The following TSHZ3 variants were observed in gnomAD, a reference collection of about 807,000 sequenced individuals.
TSHZ3 encodes the protein teashirt homolog 3.
Under a neutral mutation model 64.5 loss-of-function variants are expected in TSHZ3, and 10 were observed. The observed-to-expected ratio is 0.16, with a 90% CI of 0.10 to 0.26. The LOEUF (loss-of-function observed/expected upper bound fraction) is 0.26. Ranked by LOEUF, TSHZ3 falls within the 10% of genes least tolerant of loss-of-function variation. The pLI, the probability that TSHZ3 is intolerant of heterozygous loss-of-function variation, is 1.00. For missense variants in TSHZ3, 1,242 were observed against 1,421.7 expected (o/e 0.87, Z 2.03); for synonymous variants, 608 against 593.1 (o/e 1.03, Z -0.36).
At chr19:31,235,351 C>T (rs1235438425) in intron 3 of TSHZ3, among the ~76,000 whole-genome samples, 1 of 152,130 alleles carries the variant, frequency 6.6e-6, no homozygotes, top group South Asian at 2.1e-4. Context: ...CCCCATTTCC[C>T]CCCAACCCCA....
chr19:31,272,304 G>A (rs1010528729), downstream of TSHZ3, among the ~76,000 whole-genome samples: 2 of 152,088 alleles, frequency 1.3e-5, no homozygotes, highest in Non-Finnish European at 2.9e-5. Context: ...AGAGGCTGGG[G>A]ATCAGTGAAG....
chr19:31,233,988 A>T (rs114254165), intron 3 of TSHZ3, among the ~76,000 whole-genome samples: 1 of 150,100 alleles, frequency 6.7e-6, no homozygotes. Context: ...TGTTGAATCT[A>T]TAAGTCAGTT....
chr19:31,255,087 G>T (rs569272776), intron 1 of TSHZ3, among the ~76,000 whole-genome samples: 2 of 152,292 alleles, frequency 1.3e-5, no homozygotes, highest in Admixed American at 1.3e-4. Flanking sequence ...ATCAGCTTTT[G>T]GTTCCATGCT....
At chr19:31,175,728 CTG>C (rs201644375) in intron 5 of TSHZ3, among the ~76,000 whole-genome samples, 2,565 of 152,356 alleles carry the variant, frequency 0.017, 72 homozygotes, top group African/African-American at 0.058. Flanking sequence ...GATGGAACAG[CTG>C]TGTGTCTGCT....
chr19:31,240,500 A>G (rs913520872), intron 3 of TSHZ3, among the ~76,000 whole-genome samples: 2 of 152,210 alleles, frequency 1.3e-5, no homozygotes, highest in Admixed American at 1.3e-4. Flanking sequence ...CTGTTGTTAT[A>G]TCATTCATCT....
intron 4 of TSHZ3, among the ~76,000 whole-genome samples, chr19:31,225,210 A>G (rs1430983227): frequency 6.6e-6 from 1 of 152,238 alleles, no homozygotes; most frequent in Non-Finnish European, 1.5e-5. Flanking sequence ...TCATTTGAGC[A>G]TCCCGAATGG....
chr19:31,279,415 G>C lies in TSHZ3; in HGVS notation c.378C>G (p.Leu126=). Residue 126 remains leucine (L), a synonymous_variant, in exon 2 of 2, where the codon CTC becomes CTG. Coordinates refer to ENST00000240587, the MANE Select transcript of TSHZ3 (RefSeq NM_020856.4). The surrounding 1 kb of genome is among the most constrained non-coding windows in gnomAD (Gnocchi z 6.4). Reference sequence around the variant, plus strand: ...TGAGGTTGGACCAGTAGGAGTTGGAGAGGAAGTTGTTGTACACGGCCTTCA... The same window carrying C: ...TGAGGTTGGACCAGTAGGAGTTGGACAGGAAGTTGTTGTACACGGCCTTCA... ...EQMKAVYNNF[L]SNSYWSNLNL... 6.2e-7 allele frequency: 1 copy of C among 1,614,242 alleles called. No homozygotes were observed. The highest frequency in any genetic ancestry group is 8.5e-7 in the Non-Finnish European group (1 of 1,180,048).
At chr19:31,205,220 A>G (rs947134192) in intron 4 of TSHZ3, among the ~76,000 whole-genome samples, 8 of 152,086 alleles carry the variant, frequency 5.3e-5, no homozygotes, top group Non-Finnish European at 8.8e-5. Flanking sequence ...AGTGCCTTAC[A>G]CTTGTTACCT....
intron 5 of TSHZ3, among the ~76,000 whole-genome samples, chr19:31,195,141 C>T (rs1599574743): frequency 2.0e-5 from 3 of 151,994 alleles, no homozygotes; most frequent in Admixed American, 2.0e-4. Context: ...GAATACCAGA[C>T]AGAGAAAAGA....
chr19:31,277,217 G>C lies in TSHZ3; in HGVS notation c.2576C>G (p.Thr859Arg), dbSNP rs779604719. 1.2e-6 allele frequency: 2 copies of C among 1,614,186 alleles called. No individual in the cohort carries two copies. The highest frequency in any genetic ancestry group is 1.7e-6 in the Non-Finnish European group (2 of 1,180,030). The change falls in exon 2 of 2, where the codon ACG (threonine) becomes AGG (arginine). Residue 859 changes from threonine (T) to arginine (R), a missense_variant. Transcript: ENST00000240587. This position sits in a 1 kb window ranked among gnomAD's most constrained non-coding sequence, Gnocchi z 4.5. ...GCTGGAAGGAGTGGAGGATTTTGACGTGTGGCTCTCTGTCAAGTTCTTCAG... is the reference window on the plus strand; with the variant it reads ...GCTGGAAGGAGTGGAGGATTTTGACCTGTGGCTCTCTGTCAAGTTCTTCAG... ...DMLKNLTESH[T>R]SKSSTPSSIS...
Position 31,276,466 on chromosome 19 carries a change from C to T in TSHZ3, c.*81G>A, listed in dbSNP as rs1599618537. The T allele has an allele frequency of 1.1e-5, 15 of 1,337,528 alleles. No individual in the cohort carries two copies. The South Asian group carries it at 2.0e-4, about 18-fold the overall frequency. 82.9% of individuals were successfully genotyped at this position (1,337,528 alleles called of 1,614,324 possible). ...TTAAAATAAGAACATGTGCCAAGAA[C>T]AACAAGTCAGAGGGGGCCTGAAGGT... On this transcript the variant is annotated 3_prime_UTR_variant, in exon 2 of 2. Coordinates refer to ENST00000240587, the MANE Select transcript of TSHZ3 (RefSeq NM_020856.4).
intron 1 of TSHZ3, among the ~76,000 whole-genome samples, chr19:31,316,657 C>G (rs971030386): frequency 2.0e-5 from 3 of 151,936 alleles, no homozygotes; most frequent in African/African-American, 7.3e-5. Flanking sequence ...AGTAAAAAAG[C>G]AAAATTCTAA....
chr19:31,273,767 G>A (rs77167531), downstream of TSHZ3, among the ~76,000 whole-genome samples: 541 of 152,296 alleles, frequency 3.6e-3, 3 homozygotes, highest in African/African-American at 0.012. Flanking sequence ...CCCAGGTAAA[G>A]GTCAGTAGGA....
At chr19:31,254,523 T>A (rs962527938) in intron 1 of TSHZ3, among the ~76,000 whole-genome samples, 7 of 152,196 alleles carry the variant, frequency 4.6e-5, no homozygotes, top group African/African-American at 1.4e-4. Context: ...GAGAGTGCAC[T>A]GGCTTTCATA....
At chr19:31,307,374 T>C (rs1916331739) in intron 1 of TSHZ3, among the ~76,000 whole-genome samples, 1 of 152,038 alleles carries the variant, frequency 6.6e-6, no homozygotes, top group Admixed American at 6.6e-5. Context: ...CAACTGCATA[T>C]GGCTGGGGAG....
intron 3 of TSHZ3, among the ~76,000 whole-genome samples, chr19:31,235,616 C>CT (rs1975599736): frequency 7.5e-6 from 1 of 133,232 alleles, no homozygotes; most frequent in African/African-American, 3.1e-5. Flanking sequence ...TTCTTTCTTT[C>CT]CTCTTTCTTT....
At chr19:31,254,217 T>A (rs1568360557) in intron 1 of TSHZ3, among the ~76,000 whole-genome samples, 3 of 152,180 alleles carry the variant, frequency 2.0e-5, no homozygotes, top group African/African-American at 4.8e-5. Flanking sequence ...CCCTGCTCCA[T>A]CCACTTGCAT....
chr19:31,216,173 T>C (rs984419227), intron 4 of TSHZ3, among the ~76,000 whole-genome samples: 2 of 152,258 alleles, frequency 1.3e-5, no homozygotes, highest in African/African-American at 4.8e-5. Context: ...TGGTGTTATG[T>C]CTGGCCATCA....
At chr19:31,280,329 T>C (rs1976339625) in intron 1 of TSHZ3, among the ~76,000 whole-genome samples, 1 of 151,846 alleles carries the variant, frequency 6.6e-6, no homozygotes, top group Non-Finnish European at 1.5e-5. Flanking sequence ...AAAAACAAGA[T>C]TTTGTGGCTT....
Sources: allele counts gnomAD v4.1 joint callset (sites outside exome capture counted in the v4.1 genomes callset), GRCh38; gene constraint gnomAD v4.1.1; non-coding constraint Gnocchi (gnomAD v3.1); transcripts MANE v1.5; gene names NCBI Gene and HGNC (gene_info 2026-07-23, HGNC 2026-07-21).